The following LPCAT2 variants were observed in gnomAD, a reference collection of about 807,000 sequenced individuals.
The protein encoded by LPCAT2 is 1-AGP acyltransferase 11.
In LPCAT2, 58 loss-of-function variants were observed where a neutral mutation model predicts 64.7. That is an observed-to-expected ratio of 0.90 (90% CI 0.73 to 1.12). The LOEUF (loss-of-function observed/expected upper bound fraction) is 1.12. Among genes scored for constraint, LPCAT2 ranks in the 50% most tolerant of loss-of-function variants. LPCAT2 has a pLI of 0.00. For missense variants in LPCAT2, 579 were observed against 669.8 expected (o/e 0.86, Z 1.50); for synonymous variants, 252 against 245.3 (o/e 1.03, Z -0.26).
In LPCAT2 at chr16:55,582,905, C is replaced by A; in HGVS notation, c.1451-9C>A. 6.4e-7 allele frequency: 1 copy of A among 1,567,150 alleles called. No individual in the cohort carries two copies. The highest frequency in any genetic ancestry group is 8.7e-7 in the Non-Finnish European group (1 of 1,150,272). Reference sequence around the variant, plus strand: ...CCAACTTATTGGATTTTTTTTCTTTCTCTTCTAGAGGAATTTAAAAGTTTT... The same window carrying A: ...CCAACTTATTGGATTTTTTTTCTTTATCTTCTAGAGGAATTTAAAAGTTTT... On this transcript the variant is annotated splice_polypyrimidine_tract_variant and intron_variant, in intron 13 of 13. Coordinates refer to ENST00000262134, the MANE Select transcript of LPCAT2 (RefSeq NM_017839.5).
At chr16:55,534,846 T>G (rs901176227) in intron 7 of LPCAT2, among the ~76,000 whole-genome samples, 1 of 152,186 alleles carries the variant, frequency 6.6e-6, no homozygotes. Context: ...ACTTACTATG[T>G]TGGTTTAAGC....
At chr16:55,568,339 T>C (rs1963731164) in intron 11 of LPCAT2, among the ~76,000 whole-genome samples, 1 of 152,244 alleles carries the variant, frequency 6.6e-6, no homozygotes, top group Admixed American at 6.5e-5. Context: ...TGTCGTGTCT[T>C]GTCCTGCCTT....
At chr16:55,516,321 T>A (rs754563248) in intron 1 of LPCAT2, among the ~76,000 whole-genome samples, 3 of 152,114 alleles carry the variant, frequency 2.0e-5, no homozygotes, top group Non-Finnish European at 4.4e-5. Flanking sequence ...CCCAGACTGG[T>A]CTCAAACTCC....
intron 11 of LPCAT2, among the ~76,000 whole-genome samples, chr16:55,568,961 T>A (rs1963738471): frequency 6.6e-6 from 1 of 152,210 alleles, no homozygotes; most frequent in Admixed American, 6.5e-5. Flanking sequence ...TTCCTCTGTC[T>A]GCTATTTAAT....
At chr16:55,531,023 A>G (rs1414487647) in intron 4 of LPCAT2, among the ~76,000 whole-genome samples, 2 of 152,098 alleles carry the variant, frequency 1.3e-5, no homozygotes, top group Non-Finnish European at 2.9e-5. Context: ...TTAGTAGTTT[A>G]GTTGTTGAAT....
At chr16:55,537,698 G>A in intron 8 of LPCAT2, 66 bp downstream of exon 8, 1 of 1,331,692 alleles carries the variant, frequency 7.5e-7, no homozygotes, top group Non-Finnish European at 1.1e-6. Context: ...TGAACCTCTA[G>A]TCTAGAGAGA....
chr16:55,553,045 G>T (rs1404045000), intron 11 of LPCAT2, among the ~76,000 whole-genome samples: 1 of 18,744 alleles, frequency 5.3e-5, no homozygotes, highest in African/African-American at 6.7e-5. Context: ...AGAACAGCTT[G>T]ACAGTTGAAC....
intron 6 of LPCAT2, among the ~76,000 whole-genome samples, chr16:55,533,122 C>A (rs1156502138): frequency 3.3e-5 from 5 of 152,086 alleles, no homozygotes; most frequent in African/African-American, 1.2e-4. Context: ...TTTTCTTAGC[C>A]TTTACTCTGT....
At chr16:55,526,833 T>C (rs1963177304) in intron 2 of LPCAT2, among the ~76,000 whole-genome samples, 1 of 152,234 alleles carries the variant, frequency 6.6e-6, no homozygotes, top group East Asian at 1.9e-4. Context: ...GTTTTACTTT[T>C]GTCAATTAAA....
rs991848380 is a variant in LPCAT2, at chr16:55,559,880, T to C, written c.1215+8778T>C. ...TCTATATGTCTGAGTATTTCCCTAT[T>C]CAATTCTCAGGTTCACTTAGCTCCT... is the stretch of plus-strand genomic sequence containing the variant. On this transcript the variant is annotated intron_variant, in intron 11 of 13. Coordinates refer to ENST00000262134, the MANE Select transcript of LPCAT2 (RefSeq NM_017839.5). Among the ~76,000 whole-genome samples, 3 of 152,160 alleles carry C rather than the reference T, an allele frequency of 2.0e-5. No homozygotes were observed. The East Asian group carries it at 5.8e-4, about 29-fold the overall frequency.
chr16:55,528,279 C>G, intron 2 of LPCAT2, 98 bp from the exon 3 acceptor site: 1 of 832,752 alleles, frequency 1.2e-6, no homozygotes, highest in Non-Finnish European at 1.9e-6. Flanking sequence ...ATATGAAATA[C>G]TCTGACATGT....
chr16:55,533,094 C>G (rs541316799), intron 6 of LPCAT2, among the ~76,000 whole-genome samples: 4 of 152,244 alleles, frequency 2.6e-5, no homozygotes, highest in African/African-American at 7.2e-5. Context: ...TTTGCTATTA[C>G]TGAACTTCAG....
intron 1 of LPCAT2, among the ~76,000 whole-genome samples, chr16:55,515,834 C>A (rs1963003000): frequency 6.6e-6 from 1 of 151,868 alleles, no homozygotes; most frequent in South Asian, 2.1e-4. Context: ...AATCACAAAG[C>A]AAATACATTT....
chr16:55,535,263 A>C (rs922591216), intron 7 of LPCAT2, among the ~76,000 whole-genome samples: 4 of 152,200 alleles, frequency 2.6e-5, no homozygotes, highest in Non-Finnish European at 4.4e-5. Flanking sequence ...TAACTTGGAA[A>C]TATTTAAGGA....
chr16:55,551,753 A>G (rs1004734941), intron 11 of LPCAT2, among the ~76,000 whole-genome samples: 1 of 152,136 alleles, frequency 6.6e-6, no homozygotes, highest in Admixed American at 6.6e-5. Context: ...CAGGTTTTCT[A>G]TTTTTTAATT....
chr16:55,551,255 T>A (rs1039340656), intron 11 of LPCAT2, 153 bp downstream of exon 11: 1 of 462,942 alleles, frequency 2.2e-6, no homozygotes, highest in Middle Eastern at 6.0e-4. Flanking sequence ...TTTTTTCTCC[T>A]TAATAGTAAT....
chr16:55,509,159 CG>C lies in LPCAT2; in HGVS notation c.-20del. The C allele has an allele frequency of 7.6e-7, 1 of 1,318,680 alleles. No homozygotes were observed. 81.7% of individuals were successfully genotyped at this position (1,318,680 alleles called of 1,614,324 possible). ...CAGCGCCCGCGTAGATCGCTTCGGC[CG>C]GGTTCTACGCCCGGCTCAACTATGA... On this transcript the variant is annotated 5_prime_UTR_variant, in exon 1 of 14. Coordinates refer to ENST00000262134, the MANE Select transcript of LPCAT2 (RefSeq NM_017839.5).
chr16:55,512,240 A>G (rs1325096104), intron 1 of LPCAT2, among the ~76,000 whole-genome samples: 6 of 152,232 alleles, frequency 3.9e-5, no homozygotes, highest in Non-Finnish European at 8.8e-5. Flanking sequence ...GTGAATAATA[A>G]TAATTTAACA....
chr16:55,585,885 G>A lies in LPCAT2; in HGVS notation c.*2787G>A, dbSNP rs1437135869. On this transcript the variant is annotated 3_prime_UTR_variant, in exon 14 of 14. Transcript: ENST00000262134. ...CCCTTCAGACTATTACCGAATGCAA[G>A]GTGGTTAATTGAAGGCCACTAATTG... 4 of 152,162 alleles carry A rather than the reference G, an allele frequency of 2.6e-5. No homozygotes were observed. Among genetic ancestry groups the A allele is most frequent in the African/African-American group, 9.7e-5 (4 of 41,442 alleles). The allele number at this position is 152,162 out of a possible 1,614,324, so 9.4% of individuals were successfully genotyped here. A position where few individuals can be genotyped will look rare whatever the true frequency, so the allele number is the denominator to read the frequency against.
Sources: allele counts gnomAD v4.1 joint callset (sites outside exome capture counted in the v4.1 genomes callset), GRCh38; gene constraint gnomAD v4.1.1; transcripts MANE v1.5; gene names NCBI Gene and HGNC (gene_info 2026-07-23, HGNC 2026-07-21).